FAF1: variants seen among roughly 807,000 people sequenced by gnomAD.
FAF1 encodes Fas associated factor 1, also known as FAS-associated factor 1.
FAF1 carries 25 observed loss-of-function variants against 92.5 expected under a neutral mutation model. The observed-to-expected ratio is 0.27, with a 90% CI of 0.20 to 0.38. FAF1 has a LOEUF of 0.38. FAF1 is among the 10% of genes least tolerant of loss of function. The pLI is 1.00. For missense variants in FAF1, 636 were observed against 793.3 expected (o/e 0.80, Z 2.38); for synonymous variants, 234 against 273.2 (o/e 0.86, Z 1.42).
At chr1:50,718,161 A>G (rs1158240540) in intron 6 of FAF1, among the ~76,000 whole-genome samples, 1 of 151,990 alleles carries the variant, frequency 6.6e-6, no homozygotes, top group African/African-American at 2.4e-5. Flanking sequence ...CTGGGATTAC[A>G]GGCACCCGAG....
At chr1:50,672,019 CT>C (rs370154209) in intron 7 of FAF1, among the ~76,000 whole-genome samples, 289 of 138,076 alleles carry the variant, frequency 2.1e-3, no homozygotes, top group Middle Eastern at 7.4e-3. Flanking sequence ...GGTGGTCTTT[CT>C]TTTTTTTTTT....
intron 1 of FAF1, among the ~76,000 whole-genome samples, chr1:50,956,294 T>TCTTC (rs1261184753): frequency 2.0e-5 from 3 of 152,318 alleles, no homozygotes; most frequent in Admixed American, 2.0e-4. Flanking sequence ...TGAGCTGTAA[T>TCTTC]CTTCCACCCA....
chr1:50,443,584 CA>C (rs1646194110), intron 18 of FAF1, among the ~76,000 whole-genome samples: 1 of 152,164 alleles, frequency 6.6e-6, no homozygotes, highest in South Asian at 2.1e-4. Flanking sequence ...AACCTAGAGT[CA>C]AATCCTAGGT....
At chr1:50,838,724 A>G (rs1247320608) in intron 2 of FAF1, among the ~76,000 whole-genome samples, 1 of 152,040 alleles carries the variant, frequency 6.6e-6, no homozygotes, top group Non-Finnish European at 1.5e-5. Context: ...TCAGAGAAAT[A>G]ACATGCAGAG....
intron 7 of FAF1, among the ~76,000 whole-genome samples, chr1:50,679,446 G>GAAAAAAAAAA (rs750339675): frequency 7.8e-6 from 1 of 127,988 alleles, no homozygotes. Context: ...CTTCACAGAT[G>GAAAAAAAAAA]AAAAAAAAAA....
At chr1:50,463,758 T>A (rs2148990797) in intron 18 of FAF1, among the ~76,000 whole-genome samples, 1 of 152,272 alleles carries the variant, frequency 6.6e-6, no homozygotes, top group South Asian at 2.1e-4. Flanking sequence ...ACTGAAGAGG[T>A]CCTGAAATCA....
intron 5 of FAF1, among the ~76,000 whole-genome samples, chr1:50,743,617 T>C (rs961954008): frequency 1.3e-5 from 2 of 152,042 alleles, no homozygotes; most frequent in African/African-American, 4.8e-5. Context: ...CGTGAGCCAC[T>C]GCGCCCAGCC....
chr1:50,777,632 G>C (rs1314271960), intron 4 of FAF1, among the ~76,000 whole-genome samples: 1 of 151,562 alleles, frequency 6.6e-6, no homozygotes, highest in Non-Finnish European at 1.5e-5. Context: ...GATAAGTTTG[G>C]ACAATCAATC....
chr1:50,817,073 C>T (rs187822711), intron 2 of FAF1, among the ~76,000 whole-genome samples: 47 of 152,202 alleles, frequency 3.1e-4, no homozygotes, highest in African/African-American at 1.1e-3. Flanking sequence ...CATGGCGTTA[C>T]GGTTACTTTA....
chr1:50,718,270 C>T (rs896162141), intron 6 of FAF1, among the ~76,000 whole-genome samples: 2 of 152,120 alleles, frequency 1.3e-5, no homozygotes, highest in African/African-American at 4.8e-5. Context: ...CCTTGTGATC[C>T]GCCTGCCTCA....
rs1651814375 is a variant in FAF1, at chr1:50,596,335, T to C, written c.745-119A>G. 4 of 699,684 alleles carry C rather than the reference T, an allele frequency of 5.7e-6. No individual in the cohort carries two copies. In the East Asian group the frequency reaches 1.1e-4, roughly 19 times the overall value. The allele number at this position is 699,684 out of a possible 1,614,324, so 43.3% of individuals were successfully genotyped here. ...CTAGATTAGAAAGCTAACTCTAGTATCCTGGGTATTACATTACCAGGAAGG... is the reference window on the plus strand; with the variant it reads ...CTAGATTAGAAAGCTAACTCTAGTACCCTGGGTATTACATTACCAGGAAGG... On this transcript the variant is annotated intron_variant, in intron 8 of 18. Transcript: ENST00000396153.
Position 50,514,885 on chromosome 1 carries a change from T to C in FAF1, c.1494+20484A>G, listed in dbSNP as rs931116271. Among the ~76,000 whole-genome samples the C allele has an allele frequency of 4.6e-5, 7 of 152,314 alleles. No individual in the cohort carries two copies. In the South Asian group the frequency reaches 1.4e-3, roughly 32 times the overall value. On this transcript the variant is annotated intron_variant, in intron 15 of 18. Transcript: ENST00000396153. ...CCAATCCAGAGACAATGTACACATC[T>C]GCCTGGTAACCTAGGATGGAGCCTG...
At chr1:50,932,063 C>A (rs1371259055) in intron 1 of FAF1, among the ~76,000 whole-genome samples, 1 of 151,672 alleles carries the variant, frequency 6.6e-6, no homozygotes, top group East Asian at 1.9e-4. Flanking sequence ...TACCTCCCCC[C>A]GGGTCCCTCC....
At chr1:50,923,583 A>G (rs2124735930) in intron 1 of FAF1, among the ~76,000 whole-genome samples, 1 of 152,314 alleles carries the variant, frequency 6.6e-6, no homozygotes, top group East Asian at 1.9e-4. Context: ...CTTCTATGAG[A>G]CAGCATTACC....
chr1:50,753,884 A>G (rs955855206), intron 4 of FAF1, among the ~76,000 whole-genome samples: 5 of 151,080 alleles, frequency 3.3e-5, no homozygotes, highest in African/African-American at 1.2e-4. Context: ...CAGTCTCCTG[A>G]GTAGCTGGGA....
intron 7 of FAF1, among the ~76,000 whole-genome samples, chr1:50,673,061 C>G (rs577756200): frequency 6.6e-6 from 1 of 152,052 alleles, no homozygotes; most frequent in East Asian, 1.9e-4. Context: ...AGTTCGAGAC[C>G]AGCCTGACCA....
intron 7 of FAF1, among the ~76,000 whole-genome samples, chr1:50,698,902 A>C (rs1362242014): frequency 6.6e-6 from 1 of 152,126 alleles, no homozygotes; most frequent in African/African-American, 2.4e-5. Flanking sequence ...TTTTCTAAAA[A>C]TGTAATTAAA....
chr1:50,576,952 T>C (rs963134516), intron 12 of FAF1, among the ~76,000 whole-genome samples: 2 of 151,714 alleles, frequency 1.3e-5, no homozygotes, highest in African/African-American at 4.8e-5. Context: ...CAGGTGTAAG[T>C]CACCATGCCC....
chr1:50,483,601 T>G (rs142050721), intron 17 of FAF1, among the ~76,000 whole-genome samples: 1 of 152,274 alleles, frequency 6.6e-6, no homozygotes, highest in African/African-American at 2.4e-5. Context: ...TGACATGATG[T>G]GACAAATGAT....
Sources: allele counts gnomAD v4.1 joint callset (sites outside exome capture counted in the v4.1 genomes callset), GRCh38; gene constraint gnomAD v4.1.1; transcripts MANE v1.5; gene names NCBI Gene and HGNC (gene_info 2026-07-23, HGNC 2026-07-21).